Variants in PHIP observed in about 807,000 individuals in gnomAD.
PHIP encodes PHIP subunit of CUL4-Ring ligase complex.
Under a neutral mutation model 236.8 loss-of-function variants are expected in PHIP, and 54 were observed. The ratio of observed to expected loss-of-function variants is 0.23; its 90% CI spans 0.18 to 0.29. The LOEUF (loss-of-function observed/expected upper bound fraction) is 0.29. PHIP is among the 10% of genes least tolerant of loss of function. PHIP has a pLI of 1.00. For missense variants in PHIP, 1,370 were observed against 2,190.8 expected (o/e 0.63, Z 7.48); for synonymous variants, 756 against 718.9 (o/e 1.05, Z -0.83).
chr6:79,068,043 T>C lies in PHIP; in HGVS notation c.190-7225A>G, dbSNP rs9448623. The C allele has an allele frequency of 5.5e-3, 876 of 158,030 alleles. 12 individuals carry two copies. Among genetic ancestry groups the C allele is most frequent in the African/African-American group, 0.019 (808 of 41,614 alleles). The allele number at this position is 158,030 out of a possible 1,614,324, so 9.8% of individuals were successfully genotyped here. ...ATTTTGCCATTATCTCAGTGGAAGG[T>C]ATTGTTAAAAGGCAAGTGTTATCAG... On this transcript the variant is annotated intron_variant, in intron 4 of 39. Coordinates refer to ENST00000275034, the MANE Select transcript of PHIP (RefSeq NM_017934.7).
intron 35 of PHIP, among the ~76,000 whole-genome samples, chr6:78,951,244 T>A (rs1325597387): frequency 1.3e-5 from 2 of 152,216 alleles, no homozygotes; most frequent in Non-Finnish European, 2.9e-5. Context: ...ATTTTATTTA[T>A]GTAGAATACT....
At chr6:78,960,510 T>C (rs1475136671) in intron 31 of PHIP, among the ~76,000 whole-genome samples, 2 of 151,670 alleles carry the variant, frequency 1.3e-5, no homozygotes, top group Non-Finnish European at 2.9e-5. Flanking sequence ...ACTTGAAGAA[T>C]GCTTTGAGGG....
intron 3 of PHIP, 95 bp downstream of exon 3, chr6:79,077,605 C>T: frequency 4.5e-6 from 4 of 882,988 alleles, no homozygotes; most frequent in Non-Finnish European, 5.4e-6. Flanking sequence ...CCCCGAGCCC[C>T]GCGCCCCGCG....
At chr6:79,063,561 G>GC (rs1773488138) in intron 4 of PHIP, among the ~76,000 whole-genome samples, 1 of 151,854 alleles carries the variant, frequency 6.6e-6, no homozygotes, top group Non-Finnish European at 1.5e-5. Flanking sequence ...AATTACAGGC[G>GC]CCCCACCACC....
intron 17 of PHIP, 105 bp downstream of exon 17, chr6:79,001,794 C>T: frequency 1.4e-6 from 1 of 693,222 alleles, no homozygotes; most frequent in East Asian, 2.7e-5. Context: ...CATACTTTTA[C>T]TTCTTATCCA....
At chr6:79,029,388 G>A (rs3929866) in intron 7 of PHIP, among the ~76,000 whole-genome samples, 150,886 of 152,342 alleles carry the variant, frequency 0.99, 74,736 homozygotes, top group East Asian at 1. Flanking sequence ...ATCTGAGCAT[G>A]AATTCAATGA....
rs77534860 is a variant in PHIP at position 79,067,175 on chromosome 6, C to T, written c.190-6357G>A. Among the ~76,000 whole-genome samples the T allele has an allele frequency of 5.7e-3, 865 of 152,320 alleles. 12 individuals are homozygous for T. The highest frequency in any genetic ancestry group is 0.02 in the African/African-American group (834 of 41,568). ...TAGCTAGGATTACATGTATGAGCCACCATGCCTAGCTCTCATCCCTTTTTG... is the reference window on the plus strand; with the variant it reads ...TAGCTAGGATTACATGTATGAGCCATCATGCCTAGCTCTCATCCCTTTTTG... On this transcript the variant is annotated intron_variant, in intron 4 of 39. Coordinates refer to ENST00000275034, the MANE Select transcript of PHIP (RefSeq NM_017934.7).
Position 79,017,605 on chromosome 6 carries a change from G to A in PHIP, c.995-22C>T, listed in dbSNP as rs115321789. ...CCACCTATGAAGAATAACAGCAATT[G>A]TTAAGAAGTAAAACATAACTTCAAA... On this transcript the variant is annotated intron_variant, in intron 10 of 39. Coordinates refer to ENST00000275034, the MANE Select transcript of PHIP (RefSeq NM_017934.7). 2.5e-3 allele frequency: 3,847 copies of A among 1,522,354 alleles called. 40 individuals are homozygous for A. In the Middle Eastern group the frequency reaches 0.028, roughly 11 times the overall value. 94.3% of individuals were successfully genotyped at this position (1,522,354 alleles called of 1,614,324 possible).
chr6:79,034,043 A>G (rs999928078), intron 7 of PHIP, among the ~76,000 whole-genome samples: 3 of 152,196 alleles, frequency 2.0e-5, no homozygotes, highest in Admixed American at 6.5e-5. Context: ...AAAGACTTAC[A>G]ATAGGAACAT....
At chr6:79,043,587 CTCTCCCTTAGT>C (rs1417187722) in intron 6 of PHIP, among the ~76,000 whole-genome samples, 1 of 152,044 alleles carries the variant, frequency 6.6e-6, no homozygotes, top group Non-Finnish European at 1.5e-5. Context: ...AATCTATTAG[CTCTCCCTTAGT>C]TCTCCCTTTC....
chr6:79,078,169 G>A lies in PHIP; in HGVS notation c.-101C>T. On this transcript the variant is annotated 5_prime_UTR_variant, in exon 1 of 40. Transcript: ENST00000275034. Reference sequence around the variant, plus strand: ...CCTATAGCTGTCAGTGTGTGTTCACGAGCCGAGCTTCGGCTCCACCATTCA... The same window carrying A: ...CCTATAGCTGTCAGTGTGTGTTCACAAGCCGAGCTTCGGCTCCACCATTCA... 8.4e-7 allele frequency: 1 copy of A among 1,191,578 alleles called. No homozygotes were observed. Among genetic ancestry groups the A allele is most frequent in the South Asian group, 1.4e-5 (1 of 73,416 alleles). The allele number at this position is 1,191,578 out of a possible 1,614,324, so 73.8% of individuals were successfully genotyped here.
chr6:78,955,560 A>AT lies in PHIP; in HGVS notation c.3852+52dup, dbSNP rs1446963094. 2.3e-5 allele frequency: 15 copies of AT among 651,398 alleles called. No individual in the cohort carries two copies. In the East Asian group the frequency reaches 2.6e-4, roughly 11 times the overall value. The allele number at this position is 651,398 out of a possible 1,614,324, so 40.4% of individuals were successfully genotyped here. ...TTTACCTGAAAACTACAATATGTAA[A>AT]TTTTTTTATATAGAGAATATCAATA... On this transcript the variant is annotated intron_variant, in intron 33 of 39. Coordinates refer to ENST00000275034, the MANE Select transcript of PHIP (RefSeq NM_017934.7).
At chr6:79,070,546 C>T (rs1361204200) in intron 4 of PHIP, among the ~76,000 whole-genome samples, 2 of 152,128 alleles carry the variant, frequency 1.3e-5, no homozygotes, top group African/African-American at 4.8e-5. Flanking sequence ...ATACTATAAC[C>T]TTTCCCAAGA....
chr6:79,012,720 G>A (rs979637252), intron 15 of PHIP, among the ~76,000 whole-genome samples: 15 of 151,658 alleles, frequency 9.9e-5, no homozygotes, highest in African/African-American at 2.9e-4. Context: ...CAGTGAGAAC[G>A]CAGGCCCTCC....
chr6:78,954,385 C>T (rs963733167), intron 35 of PHIP, among the ~76,000 whole-genome samples: 1 of 152,188 alleles, frequency 6.6e-6, no homozygotes, highest in Admixed American at 6.5e-5. Flanking sequence ...GGATTACTGG[C>T]ATGAGCCACC....
Position 79,003,832 on chromosome 6 carries a change from T to A in PHIP, c.1551A>T (p.Val517=). 6.2e-7 allele frequency: 1 copy of A among 1,608,486 alleles called. No homozygotes were observed. Among genetic ancestry groups the A allele is most frequent in the Non-Finnish European group, 8.5e-7 (1 of 1,176,496 alleles). ...CATCAGGAGAGCATTTGCAGTCAAATACTGCGCCATGTCCTTGGCCTTCAA... is the reference window on the plus strand; with the variant it reads ...CATCAGGAGAGCATTTGCAGTCAAAAACTGCGCCATGTCCTTGGCCTTCAA... The part of the protein sequence containing the change: ...NMIEGQGHGA[V]FDCKCSPDGQ... The change falls in exon 16 of 40, where the codon GTA becomes GTT. Residue 517 remains valine, a synonymous_variant. Transcript: ENST00000275034.
In PHIP at chr6:78,963,161, A is replaced by G. The variant is rs1256047815; in HGVS notation, c.3471T>C (p.Gly1157=). The G allele has an allele frequency of 2.2e-5, 36 of 1,611,068 alleles. No homozygotes were observed. Among genetic ancestry groups the G allele is most frequent in the Non-Finnish European group, 3.0e-5 (35 of 1,178,632 alleles). The change falls in exon 30 of 40, where the codon GGT becomes GGC. Residue 1157 remains glycine (G), a synonymous_variant. Transcript: ENST00000275034. The part of the protein sequence containing the change: ...LIYKPLDGEW[G]TNPRDEECER... The stretch of plus-strand genomic sequence containing the variant: ...CACATTCTTCATCCCTGGGATTGGT[A>G]CCCCATTCTCCATCAAGAGGTTTAT...
intron 6 of PHIP, among the ~76,000 whole-genome samples, chr6:79,046,903 T>C (rs1453035947): frequency 9.1e-6 from 1 of 109,570 alleles, no homozygotes; most frequent in Non-Finnish European, 2.0e-5. Flanking sequence ...GTTTAAGAAT[T>C]AAAAAAAAAA....
chr6:78,937,008 T>C lies in PHIP; in HGVS notation c.*3685A>G, dbSNP rs1186207140. On this transcript the variant is annotated 3_prime_UTR_variant, in exon 40 of 40. Coordinates refer to ENST00000275034, the MANE Select transcript of PHIP (RefSeq NM_017934.7). ...AACAAAACCACTGCTCAATCTGTTA[T>C]GTTAGAAATACTTTTTAGGTTAATA... The C allele has an allele frequency of 2.0e-5, 3 of 151,814 alleles. No homozygotes were observed. Among genetic ancestry groups the C allele is most frequent in the South Asian group, 4.1e-4 (2 of 4,834 alleles). The allele number at this position is 151,814 out of a possible 1,614,324, so 9.4% of individuals were successfully genotyped here. A position where few individuals can be genotyped will look rare whatever the true frequency, so the allele number is the denominator to read the frequency against.
Sources: gnomAD v4.1 joint callset for allele counts (sites outside exome capture counted in the v4.1 genomes callset) on GRCh38, gnomAD v4.1.1 for gene constraint, MANE v1.5 for transcripts, NCBI Gene and HGNC (gene_info 2026-07-23, HGNC 2026-07-21) for gene names.